Variants in FOXP2 observed in about 807,000 individuals in gnomAD.
FOXP2 encodes the protein forkhead box protein P2.
Under a neutral mutation model 115.8 loss-of-function variants are expected in FOXP2, and 12 were observed. The ratio of observed to expected loss-of-function variants is 0.10; its 90% confidence interval spans 0.07 to 0.17. FOXP2 has a LOEUF of 0.17. Ranked by LOEUF, FOXP2 falls within the 10% of genes least tolerant of loss-of-function variation. The pLI, the probability that FOXP2 is intolerant of heterozygous loss-of-function variation, is 1.00. For synonymous variants in FOXP2, 328 were observed against 297.7 expected, an observed-to-expected ratio of 1.10 and a Z score of -1.05; for missense variants, 629 against 843.5, an observed-to-expected ratio of 0.75 and a Z score of 3.15.
Position 114,531,383 on chromosome 7 carries a change from T to G in FOXP2, c.169-3234T>G, listed in dbSNP as rs74804680. ...AAGTGTTTTATCTAATAATCTTTCA[T>G]TTTTTGAGTGGCTATAATAATAAAT... is the stretch of plus-strand genomic sequence containing the variant. On this transcript the variant is annotated intron_variant, in intron 2 of 16. Transcript: ENST00000350908. Among the ~76,000 whole-genome samples, 58 of 152,046 alleles carry G rather than the reference T, an allele frequency of 3.8e-4. No homozygotes were observed. In the East Asian group the frequency reaches 0.01, roughly 27 times the overall value.
At chr7:114,482,223 G>A (rs1188690144) in intron 2 of FOXP2, among the ~76,000 whole-genome samples, 2 of 151,426 alleles carry the variant, frequency 1.3e-5, no homozygotes, top group Non-Finnish European at 3.0e-5. Context: ...GTTCTAATAG[G>A]AATTGGCAGT....
At chr7:114,551,732 A>T (rs1317639620) in intron 3 of FOXP2, among the ~76,000 whole-genome samples, 5 of 152,236 alleles carry the variant, frequency 3.3e-5, no homozygotes, top group Non-Finnish European at 4.4e-5. Context: ...TATTTTAATA[A>T]TTTTTTTACA....
At chr7:114,686,765 T>C (rs1585029076) in intron 16 of FOXP2, among the ~76,000 whole-genome samples, 1 of 152,252 alleles carries the variant, frequency 6.6e-6, no homozygotes, top group African/African-American at 2.4e-5. Context: ...TGTATCAAAG[T>C]TATTAAAATA....
rs1799680871 is a variant in FOXP2 at position 114,097,666 on chromosome 7, C to T, written c.-247+9828C>T. Among the ~76,000 whole-genome samples the T allele has an allele frequency of 2.6e-5, 4 of 152,294 alleles. No individual in the cohort carries two copies. The South Asian group carries it at 8.3e-4, about 32-fold the overall frequency. On this transcript the variant is annotated intron_variant, in intron 1 of 19. Coordinates refer to the FOXP2 transcript ENST00000635638. ...GTCTTCACCATAGTTCTCCACCTTC[C>T]ATTCCCACTTCCACCCCAGCCTCTC...
intron 2 of FOXP2, among the ~76,000 whole-genome samples, chr7:114,500,236 G>GAATGTAAC (rs1797509578): frequency 7.3e-6 from 1 of 136,830 alleles, no homozygotes; most frequent in Non-Finnish European, 1.6e-5. Flanking sequence ...AAAAAAAAAA[G>GAATGTAAC]AATGTAACGT....
chr7:114,542,433 G>A (rs990137196), intron 3 of FOXP2, among the ~76,000 whole-genome samples: 1 of 152,108 alleles, frequency 6.6e-6, no homozygotes, highest in Non-Finnish European at 1.5e-5. Flanking sequence ...CAATAGGAAA[G>A]CACTTCTCCA....
At chr7:114,175,762 G>A (rs975762393) in intron 1 of FOXP2, among the ~76,000 whole-genome samples, 1 of 152,102 alleles carries the variant, frequency 6.6e-6, no homozygotes, top group Non-Finnish European at 1.5e-5. Context: ...GGGTAAGAAT[G>A]TATTTCATTG....
In FOXP2 at chr7:114,396,990, A is replaced by T. The variant is rs905207768; in HGVS notation, c.-10-29512A>T. ...TATGTAAAACAATTTTCTTAAAAACATATCATTATATAATTAGCCTGAAAA... is the reference window on the plus strand; with the variant it reads ...TATGTAAAACAATTTTCTTAAAAACTTATCATTATATAATTAGCCTGAAAA... On this transcript the variant is annotated intron_variant, in intron 2 of 17. Coordinates refer to the FOXP2 transcript ENST00000634411. 3.3e-5 allele frequency among the ~76,000 whole-genome samples: 5 copies of T among 152,258 alleles called. No homozygotes were observed. The South Asian group carries it at 8.3e-4, about 25-fold the overall frequency.
chr7:114,140,551 C>T (rs1792177780), intron 1 of FOXP2, among the ~76,000 whole-genome samples: 1 of 152,180 alleles, frequency 6.6e-6, no homozygotes, highest in South Asian at 2.1e-4. Flanking sequence ...ATTTAATCCA[C>T]AGTAGAGTAG....
At chr7:114,199,096 A>G (rs1010814011) in intron 1 of FOXP2, among the ~76,000 whole-genome samples, 2 of 152,182 alleles carry the variant, frequency 1.3e-5, no homozygotes, top group East Asian at 1.9e-4. Context: ...TAGCTCACTC[A>G]GCCTCAAATT....
At chr7:114,201,832 G>T (rs1490350010) in intron 1 of FOXP2, among the ~76,000 whole-genome samples, 1 of 152,140 alleles carries the variant, frequency 6.6e-6, no homozygotes, top group Non-Finnish European at 1.5e-5. Context: ...GTATGAAATG[G>T]CGCAGTTGCC....
intron 1 of FOXP2, among the ~76,000 whole-genome samples, chr7:114,212,119 TA>T (rs368102870): frequency 8.3e-5 from 4 of 48,298 alleles, no homozygotes; most frequent in Non-Finnish European, 1.5e-4. Flanking sequence ...TAAAATAAAA[TA>T]AAATATATAT....
intron 2 of FOXP2, among the ~76,000 whole-genome samples, chr7:114,398,664 T>C (rs920150897): frequency 2.0e-5 from 3 of 152,244 alleles, no homozygotes; most frequent in African/African-American, 4.8e-5. Context: ...AGATGAGCAC[T>C]TGTGTGCACA....
intron 1 of FOXP2, among the ~76,000 whole-genome samples, chr7:114,184,358 C>G (rs2129155821): frequency 6.6e-6 from 1 of 152,148 alleles, no homozygotes; most frequent in South Asian, 2.1e-4. Context: ...CAGAGAAGAC[C>G]CAGAAGCCTT....
intron 2 of FOXP2, among the ~76,000 whole-genome samples, chr7:114,325,316 T>G (rs992166898): frequency 1.3e-5 from 2 of 151,934 alleles, no homozygotes; most frequent in Non-Finnish European, 2.9e-5. Context: ...AAATTCCATA[T>G]AGTCTTCCAT....
chr7:114,143,201 T>C (rs1214047994), intron 1 of FOXP2, among the ~76,000 whole-genome samples: 2 of 150,754 alleles, frequency 1.3e-5, no homozygotes, highest in South Asian at 2.1e-4. Context: ...TACTTCCAAC[T>C]TGTATGGAGA....
At chr7:114,169,105 C>T (rs910325138) in intron 1 of FOXP2, among the ~76,000 whole-genome samples, 9 of 152,220 alleles carry the variant, frequency 5.9e-5, no homozygotes, top group Non-Finnish European at 1.5e-5. Flanking sequence ...TAGGGCAGTG[C>T]AGAAGGGAAA....
At chr7:114,320,543 C>T (rs1797395667) in intron 2 of FOXP2, among the ~76,000 whole-genome samples, 1 of 152,176 alleles carries the variant, frequency 6.6e-6, no homozygotes, top group Non-Finnish European at 1.5e-5. Context: ...TACTGATTCA[C>T]AGGGATCTAA....
At chr7:114,145,431 TTTTTCTTTTCTTTTC>T (rs61612673) in intron 1 of FOXP2, among the ~76,000 whole-genome samples, 2,324 of 100,422 alleles carry the variant, frequency 0.023, 49 homozygotes, top group African/African-American at 0.042. Context: ...GCTTTGCCAT[TTTTTCTTTTCTTTTC>T]TTTTCTTTTC....
Sources: gnomAD v4.1 joint callset for allele counts (sites outside exome capture counted in the v4.1 genomes callset) on GRCh38, gnomAD v4.1.1 for gene constraint, MANE v1.5 for transcripts, NCBI Gene and HGNC (gene_info 2026-07-23, HGNC 2026-07-21) for gene names.